Variants in ASTN2 observed in about 807,000 individuals in gnomAD.
ASTN2 encodes astrotactin 2.
ASTN2 carries 54 observed loss-of-function variants against 139.8 expected under a neutral mutation model. That is an observed-to-expected ratio of 0.39 (90% CI 0.31 to 0.48). The LOEUF (loss-of-function observed/expected upper bound fraction) is 0.48, where lower values mean the gene tolerates loss of function less well. ASTN2 is among the 20% of genes least tolerant of loss of function. The probability of loss-of-function intolerance (pLI) is 0.95; values close to 1 mark genes in which losing one functional copy is unlikely to be tolerated. For synonymous variants in ASTN2, 756 were observed against 719.5 expected (o/e 1.05, Z -0.81); for missense variants, 1,565 against 1,725.1 (o/e 0.91, Z 1.64).
intron 2 of ASTN2, among the ~76,000 whole-genome samples, chr9:117,272,000 C>G (rs1388964694): frequency 2.0e-5 from 3 of 152,162 alleles, no homozygotes; most frequent in Admixed American, 1.3e-4. Context: ...TAGGCAGTAC[C>G]CAAGTAGGGA....
intron 2 of ASTN2, among the ~76,000 whole-genome samples, chr9:117,238,690 T>C (rs1833118085): frequency 6.6e-6 from 1 of 152,180 alleles, no homozygotes; most frequent in African/African-American, 2.4e-5. Context: ...ACTAGTTGCT[T>C]GACTTCAGAG....
intron 5 of ASTN2, among the ~76,000 whole-genome samples, chr9:117,042,072 G>A (rs73657626): frequency 0.02 from 2,987 of 152,210 alleles, 49 homozygotes; most frequent in African/African-American, 0.045. Context: ...ATCTCAGTAA[G>A]TGCATGATGA....
intron 10 of ASTN2, among the ~76,000 whole-genome samples, chr9:116,900,160 C>T (rs1446375916): frequency 6.6e-6 from 1 of 152,204 alleles, no homozygotes; most frequent in Non-Finnish European, 1.5e-5. Context: ...TGCAATGCTG[C>T]TGTTTCAGTA....
chr9:116,436,769 T>C (rs1245459794), intron 22 of ASTN2, among the ~76,000 whole-genome samples: 1 of 151,992 alleles, frequency 6.6e-6, no homozygotes, highest in Non-Finnish European at 1.5e-5. Flanking sequence ...CGTATGTTTA[T>C]TGCAGCACTA....
chr9:117,133,106 A>T (rs1349400820), intron 4 of ASTN2, among the ~76,000 whole-genome samples: 2 of 152,208 alleles, frequency 1.3e-5, no homozygotes, highest in Non-Finnish European at 2.9e-5. Context: ...TGAATTGTTT[A>T]GTGTACAACA....
intron 10 of ASTN2, among the ~76,000 whole-genome samples, chr9:116,867,549 CAAAAAAAAAAA>C (rs58222492): frequency 3.8e-5 from 3 of 78,306 alleles, no homozygotes; most frequent in Middle Eastern, 7.6e-3. Context: ...GACTCTGTCT[CAAAAAAAAAAA>C]AAAAAAAAAA....
chr9:116,809,518 C>A (rs1831111507), intron 12 of ASTN2, among the ~76,000 whole-genome samples: 1 of 152,096 alleles, frequency 6.6e-6, no homozygotes, highest in Admixed American at 6.5e-5. Context: ...TAATACTCCT[C>A]CCCTTCATCA....
At chr9:116,484,751 C>A (rs989620421) in intron 20 of ASTN2, among the ~76,000 whole-genome samples, 1 of 151,986 alleles carries the variant, frequency 6.6e-6, no homozygotes, top group African/African-American at 2.4e-5. Context: ...ATTTCCAGGA[C>A]AGAGGAAGAA....
In ASTN2 at chr9:116,425,857, G is replaced by C. The variant is rs1221447461; in HGVS notation, c.4014C>G (p.Gly1338=). Residue 1338 remains glycine (G), a synonymous_variant, in exon 23 of 23, where the codon GGC becomes GGG. Coordinates refer to ENST00000313400, the MANE Select transcript of ASTN2 (RefSeq NM_001365068.1). The part of the protein sequence containing the change: ...MARNTYGESK[G]R The stretch of plus-strand genomic sequence containing the variant: ...CGGAGGGCAATACCCTCCCTCACCG[G>C]CCCTTGGACTCCCCGTACGTGTTTC... 1 of 1,614,054 alleles carries C rather than the reference G, an allele frequency of 6.2e-7. No homozygotes were observed. Among genetic ancestry groups the C allele is most frequent in the Admixed American group, 1.7e-5 (1 of 60,024 alleles).
chr9:117,113,793 A>T (rs190219111), intron 4 of ASTN2, among the ~76,000 whole-genome samples: 2 of 152,346 alleles, frequency 1.3e-5, no homozygotes, highest in Admixed American at 1.3e-4. Context: ...CATTTAAATG[A>T]AATTCCAGAA....
intron 5 of ASTN2, among the ~76,000 whole-genome samples, chr9:117,066,481 G>A (rs977591268): frequency 2.0e-5 from 3 of 148,910 alleles, no homozygotes; most frequent in East Asian, 2.0e-4. Flanking sequence ...ATAAACATAC[G>A]TGTGCATGTG....
intron 19 of ASTN2, among the ~76,000 whole-genome samples, chr9:116,531,613 G>C (rs1851354070): frequency 6.6e-6 from 1 of 150,524 alleles, no homozygotes. Flanking sequence ...AGAACATGTG[G>C]TGGTTGGTTT....
chr9:117,071,084 C>T (rs1400645135), intron 5 of ASTN2, among the ~76,000 whole-genome samples: 2 of 148,478 alleles, frequency 1.3e-5, no homozygotes, highest in African/African-American at 4.9e-5. Flanking sequence ...AGGAGAGGCG[C>T]TCTGATTTTT....
intron 19 of ASTN2, among the ~76,000 whole-genome samples, chr9:116,517,586 C>CA (rs1221011766): frequency 1.3e-5 from 2 of 152,104 alleles, no homozygotes; most frequent in African/African-American, 4.8e-5. Context: ...ACTAATATGA[C>CA]AAAAGAAGGT....
chr9:117,302,602 C>T (rs1247039786), intron 1 of ASTN2, among the ~76,000 whole-genome samples: 1 of 152,106 alleles, frequency 6.6e-6, no homozygotes, highest in Non-Finnish European at 1.5e-5. Context: ...CTTGTCAACC[C>T]CAACCCCCAC....
At chr9:116,936,091 C>T (rs2132459979) in intron 10 of ASTN2, among the ~76,000 whole-genome samples, 1 of 248 alleles carries the variant, frequency 4.0e-3, no homozygotes. Context: ...CCACTACCAC[C>T]ACCACACCAC....
intron 6 of ASTN2, among the ~76,000 whole-genome samples, chr9:117,027,800 T>C (rs1838131367): frequency 6.6e-6 from 1 of 152,166 alleles, no homozygotes; most frequent in African/African-American, 2.4e-5. Flanking sequence ...ACATTTTAAA[T>C]GACACATGTG....
rs542985440 is a variant in ASTN2, at chr9:117,081,152, G to A, written c.1276+14892C>T. On this transcript the variant is annotated intron_variant, in intron 5 of 22. Coordinates refer to ENST00000313400, the MANE Select transcript of ASTN2 (RefSeq NM_001365068.1). ...GTTTGACTGAGTGACTTGGGGTACT[G>A]CACATTGTTATGCATGCTGAATGCC... Among the ~76,000 whole-genome samples the A allele has an allele frequency of 2.0e-5, 3 of 152,328 alleles. No individual in the cohort carries two copies. The South Asian group carries it at 6.2e-4, about 32-fold the overall frequency.
chr9:116,463,956 C>T (rs1848574319), intron 20 of ASTN2, among the ~76,000 whole-genome samples: 1 of 138,802 alleles, frequency 7.2e-6, no homozygotes, highest in Non-Finnish European at 1.6e-5. Flanking sequence ...TTATGTTGTC[C>T]AGGCTGGCCT....
Sources: gnomAD v4.1 joint callset for allele counts (sites outside exome capture counted in the v4.1 genomes callset) on GRCh38, gnomAD v4.1.1 for gene constraint, MANE v1.5 for transcripts, NCBI Gene and HGNC (gene_info 2026-07-23, HGNC 2026-07-21) for gene names.